The following NEGR1 variants were observed in gnomAD, a reference collection of about 807,000 sequenced individuals.
NEGR1 encodes IgLON family member 4.
In NEGR1, 10 loss-of-function variants were observed where a neutral mutation model predicts 40.9. That is an observed-to-expected ratio of 0.24 (90% confidence interval 0.15 to 0.42). The LOEUF (loss-of-function observed/expected upper bound fraction) is 0.42, where lower values mean the gene tolerates loss of function less well. NEGR1 is among the 10% of genes least tolerant of loss of function. The pLI, the probability that NEGR1 is intolerant of heterozygous loss-of-function variation, is 1.00. For missense variants in NEGR1, 352 were observed against 438.9 expected, an observed-to-expected ratio of 0.80 and a Z score of 1.77; for synonymous variants, 185 against 166.8, an observed-to-expected ratio of 1.11 and a Z score of -0.84.
At chr1:72,084,356 G>A (rs926811855) in intron 1 of NEGR1, among the ~76,000 whole-genome samples, 36 of 151,892 alleles carry the variant, frequency 2.4e-4, no homozygotes, top group African/African-American at 8.5e-4. Flanking sequence ...CCCTTCTCAG[G>A]GTTTTATTTA....
chr1:71,522,694 A>C (rs1647167651), intron 6 of NEGR1, among the ~76,000 whole-genome samples: 1 of 150,602 alleles, frequency 6.6e-6, no homozygotes, highest in African/African-American at 2.4e-5. Flanking sequence ...ATGGGTAGAT[A>C]AAATGCTGCT....
chr1:72,130,870 AT>A (rs888201164), intron 1 of NEGR1, among the ~76,000 whole-genome samples: 1 of 152,136 alleles, frequency 6.6e-6, no homozygotes, highest in African/African-American at 2.4e-5. Flanking sequence ...CTTTAAAAAT[AT>A]TTTTTGGATG....
chr1:71,519,885 T>A (rs1035024451), intron 6 of NEGR1, among the ~76,000 whole-genome samples: 17 of 151,922 alleles, frequency 1.1e-4, no homozygotes, highest in Non-Finnish European at 2.1e-4. Flanking sequence ...TATGAAAAAA[T>A]TATAGACCTG....
intron 4 of NEGR1, among the ~76,000 whole-genome samples, chr1:71,678,951 T>C (rs953568994): frequency 2.6e-5 from 4 of 152,018 alleles, no homozygotes; most frequent in African/African-American, 9.7e-5. Flanking sequence ...TAACACTCTA[T>C]CCTGAAGAAT....
intron 4 of NEGR1, among the ~76,000 whole-genome samples, chr1:71,618,565 G>A (rs1237092676): frequency 6.6e-6 from 1 of 152,064 alleles, no homozygotes; most frequent in Non-Finnish European, 1.5e-5. Context: ...ATCACCCCCA[G>A]ATGAGACTGT....
chr1:72,132,539 G>A (rs1650297772), intron 1 of NEGR1, among the ~76,000 whole-genome samples: 1 of 152,176 alleles, frequency 6.6e-6, no homozygotes, highest in African/African-American at 2.4e-5. Context: ...ATGTGATGGT[G>A]AAGATGTGAT....
chr1:72,069,002 T>A (rs1317043370), intron 1 of NEGR1, among the ~76,000 whole-genome samples: 1 of 152,110 alleles, frequency 6.6e-6, no homozygotes, highest in African/African-American at 2.4e-5. Context: ...CTTAGAGAAA[T>A]CATTGTGTTT....
At chr1:71,913,272 G>A (rs539730063) in intron 2 of NEGR1, among the ~76,000 whole-genome samples, 29 of 151,922 alleles carry the variant, frequency 1.9e-4, no homozygotes, top group African/African-American at 7.0e-4. Flanking sequence ...CTGCCACCAC[G>A]CCCAGCTAAT....
intron 3 of NEGR1, among the ~76,000 whole-genome samples, chr1:71,712,431 G>T (rs1434655910): frequency 6.6e-6 from 1 of 152,052 alleles, no homozygotes; most frequent in East Asian, 1.9e-4. Flanking sequence ...AACTCACTTT[G>T]CTATCTGTTT....
chr1:71,687,406 C>A (rs1653075168), intron 4 of NEGR1, among the ~76,000 whole-genome samples: 1 of 152,144 alleles, frequency 6.6e-6, no homozygotes, highest in Non-Finnish European at 1.5e-5. Flanking sequence ...GCACAGTGGG[C>A]ATTTTGTTTT....
At chr1:72,190,710 T>C (rs1021634674) in intron 1 of NEGR1, among the ~76,000 whole-genome samples, 1 of 151,634 alleles carries the variant, frequency 6.6e-6, no homozygotes, top group Non-Finnish European at 1.5e-5. Context: ...CAAGAAAGTA[T>C]ACATTTGATA....
chr1:71,568,829 C>CGTGTGT (rs35692576), intron 6 of NEGR1, among the ~76,000 whole-genome samples: 25,748 of 147,014 alleles, frequency 0.18, 2,716 homozygotes, highest in East Asian at 0.34. Flanking sequence ...TATATGTATA[C>CGTGTGT]GTGTGTGTGT....
At chr1:71,791,973 G>A (rs564049789) in intron 2 of NEGR1, among the ~76,000 whole-genome samples, 3 of 152,216 alleles carry the variant, frequency 2.0e-5, no homozygotes, top group South Asian at 2.1e-4. Flanking sequence ...CATATTTGCC[G>A]ATCAGGCAGT....
intron 2 of NEGR1, among the ~76,000 whole-genome samples, chr1:71,872,513 T>C (rs1158230786): frequency 6.6e-6 from 1 of 152,114 alleles, no homozygotes; most frequent in African/African-American, 2.4e-5. Flanking sequence ...TCTAAAGTGC[T>C]CTCCCTTTTC....
intron 2 of NEGR1, among the ~76,000 whole-genome samples, chr1:71,894,728 A>G (rs1489752179): frequency 1.3e-5 from 2 of 152,190 alleles, no homozygotes; most frequent in South Asian, 2.1e-4. Context: ...AAGTCTCTCA[A>G]TAAGTTTTAT....
intron 1 of NEGR1, among the ~76,000 whole-genome samples, chr1:72,006,507 A>G (rs1316361386): frequency 6.6e-6 from 1 of 152,176 alleles, no homozygotes; most frequent in Non-Finnish European, 1.5e-5. Context: ...TGGTCAATAC[A>G]CAGCATAATG....
chr1:71,759,454 T>C (rs1324083766), intron 3 of NEGR1, among the ~76,000 whole-genome samples: 1 of 151,292 alleles, frequency 6.6e-6, no homozygotes, highest in African/African-American at 2.4e-5. Flanking sequence ...CATGCCGCCA[T>C]GCCTGGCTAA....
rs541639497 is a variant in NEGR1, at chr1:71,443,621, T to C, written c.941-36051A>G. Reference sequence around the variant, plus strand: ...ACTATTCATTAATTCTTTCATTAAGTTATCAGGTACTGAGGATACAAACAT... The same window carrying C: ...ACTATTCATTAATTCTTTCATTAAGCTATCAGGTACTGAGGATACAAACAT... On this transcript the variant is annotated intron_variant, in intron 6 of 6. Coordinates refer to ENST00000357731, the MANE Select transcript of NEGR1 (RefSeq NM_173808.3). 2.6e-3 allele frequency among the ~76,000 whole-genome samples: 398 copies of C among 152,314 alleles called. 2 individuals carry two copies. Among genetic ancestry groups the C allele is most frequent in the Non-Finnish European group, 4.4e-3 (300 of 68,024 alleles).
At chr1:72,101,348 C>T (rs1197314648) in intron 1 of NEGR1, among the ~76,000 whole-genome samples, 3 of 152,072 alleles carry the variant, frequency 2.0e-5, no homozygotes, top group South Asian at 2.1e-4. Context: ...TGCAAAAATT[C>T]GCTCAACAGA....
Sources: gnomAD v4.1 joint callset for allele counts (sites outside exome capture counted in the v4.1 genomes callset) on GRCh38, gnomAD v4.1.1 for gene constraint, MANE v1.5 for transcripts, NCBI Gene and HGNC (gene_info 2026-07-23, HGNC 2026-07-21) for gene names.